Variants in GMDS observed in about 807,000 individuals in gnomAD.
The protein encoded by GMDS is GDP-mannose 4,6 dehydratase.
In GMDS, 20 loss-of-function variants were observed where a neutral mutation model predicts 49.9. That is an observed-to-expected ratio of 0.40 (90% CI 0.28 to 0.58). GMDS has a LOEUF of 0.58. Ranked by LOEUF, GMDS falls within the 20% of genes least tolerant of loss-of-function variation. GMDS has a pLI of 0.42. For missense variants in GMDS, 362 were observed against 481.4 expected (o/e 0.75, Z 2.32); for synonymous variants, 177 against 178.6 (o/e 0.99, Z 0.07).
At chr6:1,988,413 C>G (rs966148877) in intron 4 of GMDS, among the ~76,000 whole-genome samples, 24 of 152,072 alleles carry the variant, frequency 1.6e-4, no homozygotes, top group African/African-American at 5.8e-4. Context: ...CTTCTCCAGC[C>G]CAATCCCACC....
intron 7 of GMDS, among the ~76,000 whole-genome samples, chr6:1,792,637 T>G (rs1161870327): frequency 6.6e-6 from 1 of 152,348 alleles, no homozygotes; most frequent in East Asian, 1.9e-4. Context: ...ACATGGAGGA[T>G]AATTACATTA....
chr6:2,022,541 T>A lies in GMDS; in HGVS notation c.346-61575A>T, dbSNP rs552431301. On this transcript the variant is annotated intron_variant, in intron 4 of 10. Transcript: ENST00000380815. Reference sequence around the variant, plus strand: ...GGAGTGGAAAATATCAGAAATGAGATCACCTGTTCAATCTGCTCGCGATAA... The same window carrying A: ...GGAGTGGAAAATATCAGAAATGAGAACACCTGTTCAATCTGCTCGCGATAA... 6.6e-5 allele frequency among the ~76,000 whole-genome samples: 10 copies of A among 152,274 alleles called. No individual in the cohort carries two copies. In the South Asian group the frequency reaches 2.1e-3, roughly 32 times the overall value.
intron 4 of GMDS, among the ~76,000 whole-genome samples, chr6:1,997,440 G>A (rs757716824): frequency 1.3e-5 from 2 of 150,894 alleles, no homozygotes; most frequent in Non-Finnish European, 3.0e-5. Context: ...CCTGGGAGGC[G>A]GAGGCTGTAG....
intron 6 of GMDS, among the ~76,000 whole-genome samples, chr6:1,931,150 G>C (rs1460817866): frequency 6.6e-6 from 1 of 152,146 alleles, no homozygotes; most frequent in African/African-American, 2.4e-5. Context: ...ACTCATATTA[G>C]CTAGTTAATA....
intron 9 of GMDS, among the ~76,000 whole-genome samples, chr6:1,644,189 G>A (rs1763418227): frequency 6.6e-6 from 1 of 152,186 alleles, no homozygotes; most frequent in Admixed American, 6.5e-5. Flanking sequence ...TTCCTCCAGG[G>A]ACCCACGCGG....
intron 4 of GMDS, among the ~76,000 whole-genome samples, chr6:2,054,783 T>A (rs1192573801): frequency 7.9e-5 from 12 of 151,376 alleles, no homozygotes; most frequent in Admixed American, 6.6e-5. Flanking sequence ...TTGGAACAAA[T>A]GTAACAGAAT....
intron 2 of GMDS, among the ~76,000 whole-genome samples, chr6:2,122,821 T>G (rs920318145): frequency 1.3e-5 from 2 of 152,242 alleles, no homozygotes; most frequent in Non-Finnish European, 2.9e-5. Flanking sequence ...CCCGCTATAG[T>G]GTCAACCATG....
At chr6:2,023,236 T>G (rs1330060137) in intron 4 of GMDS, among the ~76,000 whole-genome samples, 4 of 152,224 alleles carry the variant, frequency 2.6e-5, no homozygotes, top group African/African-American at 9.6e-5. Context: ...CAAATTAAAC[T>G]TATTTATAGT....
intron 10 of GMDS, 118 bp downstream of exon 10, chr6:1,624,354 C>A: frequency 1.6e-6 from 2 of 1,280,888 alleles, no homozygotes; most frequent in South Asian, 2.5e-5. Flanking sequence ...TCACTTCTCC[C>A]GCACCCCGCC....
At chr6:2,013,925 CATATATATATATATATATATATAT>C (rs10523956) in intron 4 of GMDS, among the ~76,000 whole-genome samples, 45 of 125,164 alleles carry the variant, frequency 3.6e-4, no homozygotes, top group Non-Finnish European at 4.6e-4. Context: ...GGATAAAAAC[CATATATATATATATATATATATAT>C]ATATATATAT....
chr6:1,672,012 AT>A (rs1446629179), intron 9 of GMDS, among the ~76,000 whole-genome samples: 1 of 152,144 alleles, frequency 6.6e-6, no homozygotes, highest in Non-Finnish European at 1.5e-5. Flanking sequence ...AATTGTGATT[AT>A]TTTTGCATCA....
At chr6:1,683,507 G>A (rs1764868318) in intron 9 of GMDS, among the ~76,000 whole-genome samples, 1 of 152,142 alleles carries the variant, frequency 6.6e-6, no homozygotes, top group South Asian at 2.1e-4. Flanking sequence ...AAGAAACTCT[G>A]GTGGGAAACA....
chr6:2,155,577 A>T (rs577470760), intron 1 of GMDS, among the ~76,000 whole-genome samples: 1 of 152,296 alleles, frequency 6.6e-6, no homozygotes, highest in South Asian at 2.1e-4. Context: ...TCTGACTGAC[A>T]GGAGAAGATT....
chr6:1,767,318 A>G (rs1429461799), intron 7 of GMDS, among the ~76,000 whole-genome samples: 1 of 152,260 alleles, frequency 6.6e-6, no homozygotes, highest in Non-Finnish European at 1.5e-5. Context: ...CTTAAGTTTC[A>G]GTCATCAAGA....
At chr6:2,005,172 A>G (rs547449639) in intron 4 of GMDS, among the ~76,000 whole-genome samples, 1 of 152,226 alleles carries the variant, frequency 6.6e-6, no homozygotes, top group Non-Finnish European at 1.5e-5. Context: ...GTGAGTTTTA[A>G]TAAGGCTTGT....
At chr6:1,654,013 A>T (rs1355048357) in intron 9 of GMDS, among the ~76,000 whole-genome samples, 1 of 152,174 alleles carries the variant, frequency 6.6e-6, no homozygotes, top group East Asian at 1.9e-4. Context: ...AGTGCCCAAC[A>T]TCGCTACTCA....
At chr6:1,624,421 C>G in intron 10 of GMDS, 51 bp downstream of exon 10, 7 of 1,535,186 alleles carry the variant, frequency 4.6e-6, no homozygotes, top group Non-Finnish European at 6.3e-6. Context: ...AGCTGCCGCC[C>G]TGCAGCCCGG....
intron 4 of GMDS, among the ~76,000 whole-genome samples, chr6:2,068,273 A>G (rs1442313275): frequency 1.1e-4 from 17 of 152,052 alleles, no homozygotes; most frequent in African/African-American, 4.1e-4. Context: ...TTTCAAAATA[A>G]TAAGAGCTAT....
At chr6:1,671,474 G>A (rs1764420717) in intron 9 of GMDS, among the ~76,000 whole-genome samples, 1 of 151,946 alleles carries the variant, frequency 6.6e-6, no homozygotes, top group South Asian at 2.1e-4. Flanking sequence ...CTCTACTAAA[G>A]GGCATTATTA....
Sources: gnomAD v4.1 joint callset for allele counts (sites outside exome capture counted in the v4.1 genomes callset) on GRCh38, gnomAD v4.1.1 for gene constraint, MANE v1.5 for transcripts, NCBI Gene and HGNC (gene_info 2026-07-23, HGNC 2026-07-21) for gene names.